MED27: variants seen among roughly 807,000 people sequenced by gnomAD.
MED27 encodes mediator complex subunit 27.
Under a neutral mutation model 38.2 loss-of-function variants are expected in MED27, and 30 were observed. The observed-to-expected ratio is 0.79, with a 90% CI of 0.59 to 1.07. The LOEUF is 1.07. MED27 is among the 50% of genes least tolerant of loss of function. The probability of loss-of-function intolerance (pLI) is 0.00; values close to 1 mark genes in which losing one functional copy is unlikely to be tolerated. For synonymous variants in MED27, 122 were observed against 153.5 expected (o/e 0.79, Z 1.52); for missense variants, 289 against 397.5 (o/e 0.73, Z 2.32).
rs552452057 is a variant in MED27, at chr9:131,874,045, C to T, written c.723+10013G>A. On this transcript the variant is annotated intron_variant, in intron 6 of 7. Transcript: ENST00000292035. The stretch of plus-strand genomic sequence containing the variant: ...GCCACCTACAGGATCCTTCTGAAAG[C>T]CCTGGTGGAGCAAAGGAGGCCTTGC... Among the ~76,000 whole-genome samples, 4 of 152,334 alleles carry T rather than the reference C, an allele frequency of 2.6e-5. No individual in the cohort carries two copies. In the South Asian group the frequency reaches 8.3e-4, roughly 32 times the overall value.
chr9:131,997,321 C>T lies in MED27; in HGVS notation c.479+17016G>A, dbSNP rs997550080. Among the ~76,000 whole-genome samples, 8 of 152,132 alleles carry T rather than the reference C, an allele frequency of 5.3e-5. No homozygotes were observed. The highest frequency in any genetic ancestry group is 2.1e-4 in the South Asian group (1 of 4,814). The stretch of plus-strand genomic sequence containing the variant: ...AACCTGCTGTCTGGCTACAGGACAG[C>T]GATCGACATACAGCCTCCAGCTATC... On this transcript the variant is annotated intron_variant, in intron 3 of 7. Transcript: ENST00000292035. This position sits in a 1 kb window ranked among gnomAD's most constrained non-coding sequence, Gnocchi z 4.0.
chr9:131,905,237 T>C (rs149661768), intron 4 of MED27, among the ~76,000 whole-genome samples: 239 of 152,346 alleles, frequency 1.6e-3, no homozygotes, highest in African/African-American at 5.4e-3. Context: ...TCAAGTGGGA[T>C]ACAGGTTACC....
intron 5 of MED27, among the ~76,000 whole-genome samples, chr9:131,892,809 C>A (rs1478539597): frequency 6.6e-6 from 1 of 152,206 alleles, no homozygotes; most frequent in East Asian, 1.9e-4. Flanking sequence ...ACTTTACATG[C>A]ATGCTCCAAA....
intron 4 of MED27, among the ~76,000 whole-genome samples, chr9:131,928,334 C>T (rs1323981682): frequency 2.6e-5 from 4 of 152,260 alleles, no homozygotes; most frequent in South Asian, 4.1e-4. Flanking sequence ...AAGCCTCCCC[C>T]GACCATCCCC....
intron 2 of MED27, among the ~76,000 whole-genome samples, chr9:132,047,185 T>C (rs917134458): frequency 1.3e-5 from 2 of 152,056 alleles, no homozygotes; most frequent in African/African-American, 4.8e-5. Flanking sequence ...CTCAGTTCAG[T>C]ATTACCCAGA....
intron 3 of MED27, among the ~76,000 whole-genome samples, chr9:131,963,788 G>C (rs187352055): frequency 6.6e-6 from 1 of 152,218 alleles, no homozygotes; most frequent in East Asian, 1.9e-4. Flanking sequence ...ATAAGCATTG[G>C]CTCCTAGCTG....
chr9:131,970,363 G>A (rs1831449342), intron 3 of MED27, among the ~76,000 whole-genome samples: 1 of 152,252 alleles, frequency 6.6e-6, no homozygotes, highest in African/African-American at 2.4e-5. Context: ...GCCACAGAGT[G>A]CAGACAGGTA....
intron 3 of MED27, among the ~76,000 whole-genome samples, chr9:131,958,247 G>GT (rs1831144845): frequency 1.3e-5 from 2 of 150,880 alleles, no homozygotes; most frequent in African/African-American, 4.9e-5. Context: ...AATTCAGTGG[G>GT]GTTTTTTTTT....
chr9:131,965,674 C>T (rs1271545198), intron 3 of MED27, among the ~76,000 whole-genome samples: 2 of 152,124 alleles, frequency 1.3e-5, no homozygotes, highest in Non-Finnish European at 2.9e-5. Context: ...GAAAGTCTGG[C>T]TTTGCCTCTT....
intron 6 of MED27, among the ~76,000 whole-genome samples, chr9:131,869,902 T>C (rs1166617417): frequency 6.6e-6 from 1 of 152,166 alleles, no homozygotes; most frequent in East Asian, 1.9e-4. Flanking sequence ...CCAGTCCACT[T>C]GATCAATGTT....
chr9:131,908,354 CCA>C (rs945333017), intron 4 of MED27, among the ~76,000 whole-genome samples: 1 of 152,234 alleles, frequency 6.6e-6, no homozygotes, highest in African/African-American at 2.4e-5. Flanking sequence ...CTCTGCCCGG[CCA>C]CCACCCCGTC....
At position 131,862,126 on chromosome 9, in the gene MED27, T is replaced by A. The variant is rs1223265829; in HGVS notation, c.801+937A>T. Among the ~76,000 whole-genome samples the A allele has an allele frequency of 6.6e-6, 1 of 152,226 alleles. No homozygotes were observed. The highest frequency in any genetic ancestry group is 1.5e-5 in the Non-Finnish European group (1 of 68,044). ...TGTTGTGCCCACTCTGCCAGCATCA[T>A]GAAGCCAATCAACGCACCAGGGATG... On this transcript the variant is annotated intron_variant, in intron 7 of 7. Coordinates refer to ENST00000292035, the MANE Select transcript of MED27 (RefSeq NM_004269.4). This position sits in a 1 kb window ranked among gnomAD's most constrained non-coding sequence, Gnocchi z 4.6.
At chr9:131,983,453 C>G (rs935291744) in intron 3 of MED27, among the ~76,000 whole-genome samples, 5 of 152,336 alleles carry the variant, frequency 3.3e-5, no homozygotes, top group Middle Eastern at 3.4e-3. Flanking sequence ...CCTTTTATTT[C>G]AGCAGTAGCC....
intron 3 of MED27, among the ~76,000 whole-genome samples, chr9:131,976,510 G>A (rs941265494): frequency 6.6e-6 from 1 of 152,222 alleles, no homozygotes; most frequent in Non-Finnish European, 1.5e-5. Context: ...CCAGGACCCT[G>A]AGTGCAGGTC....
chr9:131,863,418 A>G (rs548643724), intron 6 of MED27, among the ~76,000 whole-genome samples: 2 of 152,238 alleles, frequency 1.3e-5, no homozygotes, highest in Non-Finnish European at 2.9e-5. Flanking sequence ...GAGCACTGGC[A>G]GAGGGAGCGG....
intron 5 of MED27, among the ~76,000 whole-genome samples, chr9:131,890,002 C>T (rs1656572323): frequency 6.6e-6 from 1 of 152,212 alleles, no homozygotes; most frequent in South Asian, 2.1e-4. Context: ...GCCCCAAGGG[C>T]TCCTTCCAGA....
rs148460195 is a variant in MED27, at chr9:131,867,031, C to A, written c.724-3891G>T. On this transcript the variant is annotated intron_variant, in intron 6 of 7. Transcript: ENST00000292035. ...TCCCCCGATGGGGCTTGTCTCCTTG[C>A]CTGGCTCTCTTCTCCCATCTCAATC... 3.7e-3 allele frequency among the ~76,000 whole-genome samples: 557 copies of A among 152,334 alleles called. 2 individuals are homozygous for A. The highest frequency in any genetic ancestry group is 6.6e-3 in the Non-Finnish European group (452 of 68,024).
At chr9:132,034,828 A>T (rs148299364) in intron 2 of MED27, among the ~76,000 whole-genome samples, 23 of 152,314 alleles carry the variant, frequency 1.5e-4, no homozygotes, top group African/African-American at 4.8e-4. Flanking sequence ...TCTTCATTAT[A>T]AAACATCAAA....
chr9:132,069,004 T>C (rs976355540), intron 2 of MED27, among the ~76,000 whole-genome samples: 2 of 152,176 alleles, frequency 1.3e-5, no homozygotes, highest in Non-Finnish European at 2.9e-5. Flanking sequence ...TATGCTTCCT[T>C]CCCACCACCA....
Sources: allele counts gnomAD v4.1 joint callset (sites outside exome capture counted in the v4.1 genomes callset), GRCh38; gene constraint gnomAD v4.1.1; non-coding constraint Gnocchi (gnomAD v3.1); transcripts MANE v1.5; gene names NCBI Gene and HGNC (gene_info 2026-07-23, HGNC 2026-07-21).